APBB2: variants seen among roughly 807,000 people sequenced by gnomAD.
APBB2 encodes amyloid beta precursor protein binding family B member 2.
APBB2 carries 38 observed loss-of-function variants against 82.5 expected under a neutral mutation model. That is an observed-to-expected ratio of 0.46 (90% confidence interval 0.36 to 0.60). The LOEUF is 0.60. Among genes scored for constraint, APBB2 ranks in the 20% least tolerant of loss-of-function variants. The pLI is 0.00. For missense variants in APBB2, 772 were observed against 972.3 expected (o/e 0.79, Z 2.74); for synonymous variants, 341 against 368.2 (o/e 0.93, Z 0.85).
chr4:40,956,356 G>C (rs967679626), intron 6 of APBB2, among the ~76,000 whole-genome samples: 1 of 152,158 alleles, frequency 6.6e-6, no homozygotes, highest in Non-Finnish European at 1.5e-5. Context: ...TCAACCAAAG[G>C]AATCGGCAGA....
intron 2 of APBB2, among the ~76,000 whole-genome samples, chr4:41,111,360 A>G (rs1205269843): frequency 1.3e-5 from 2 of 152,262 alleles, no homozygotes. Context: ...AAAAATTATG[A>G]TTCAGTATGT....
intron 6 of APBB2, among the ~76,000 whole-genome samples, chr4:41,009,040 T>G (rs1377168529): frequency 6.6e-6 from 1 of 152,190 alleles, no homozygotes; most frequent in Non-Finnish European, 1.5e-5. Flanking sequence ...AACATAAAAT[T>G]ACATGTGGGT....
chr4:41,166,023 G>A (rs530358030), intron 1 of APBB2, among the ~76,000 whole-genome samples: 78 of 151,836 alleles, frequency 5.1e-4, no homozygotes, highest in African/African-American at 1.3e-3. Flanking sequence ...ACAGGCGCCC[G>A]CCACCACGCC....
intron 12 of APBB2, among the ~76,000 whole-genome samples, chr4:40,838,329 A>ATTTTTTTTTTTTTTTTTTTTTT (rs780767835): frequency 1.4e-5 from 1 of 72,274 alleles, no homozygotes; most frequent in African/African-American, 5.9e-5. Context: ...CACATGGCTA[A>ATTTTTTTTTTTTTTTTTTTTTT]TTTTTTTTTT....
chr4:41,197,533 C>T, intron 1 of APBB2, among the ~76,000 whole-genome samples: 6 of 152,170 alleles, frequency 3.9e-5, no homozygotes, highest in African/African-American at 1.4e-4. Context: ...GACTCAAGGT[C>T]ATACAACAGT....
chr4:41,017,697 C>T (rs935041060), intron 5 of APBB2, among the ~76,000 whole-genome samples: 4 of 152,080 alleles, frequency 2.6e-5, no homozygotes, highest in South Asian at 2.1e-4. Flanking sequence ...TAATATAGCG[C>T]GGGGCTGCCT....
chr4:41,065,762 C>A (rs1731556552), intron 3 of APBB2, 89 bp from the exon 4 acceptor site: 1 of 143,344 alleles, frequency 7.0e-6, no homozygotes. Context: ...CATTAAAATG[C>A]TAATGATGAC....
At chr4:41,036,902 T>C (rs1719413086) in intron 4 of APBB2, among the ~76,000 whole-genome samples, 1 of 152,156 alleles carries the variant, frequency 6.6e-6, no homozygotes, top group African/African-American at 2.4e-5. Flanking sequence ...TAATTCTACA[T>C]AAACAATAAC....
chr4:40,990,284 C>G (rs1439151698), intron 6 of APBB2: 1 of 126,590 alleles, frequency 7.9e-6, no homozygotes, highest in Non-Finnish European at 1.8e-5. Flanking sequence ...TTCTCTCTTT[C>G]TTCTCTCTCC....
intron 5 of APBB2, among the ~76,000 whole-genome samples, chr4:41,022,644 G>A (rs1258967964): frequency 1.3e-5 from 2 of 152,120 alleles, no homozygotes; most frequent in African/African-American, 4.8e-5. Context: ...CTATTAACCT[G>A]TTTGAGTTTC....
In APBB2 at chr4:40,832,011, T is replaced by TACACACACACACACACACACAC. The variant is rs1386389411; in HGVS notation, c.1530-1435_1530-1434insGTGTGTGTGTGTGTGTGTGTGT. Among the ~76,000 whole-genome samples the TACACACACACACACACACACAC allele has an allele frequency of 3.5e-3, 172 of 49,508 alleles. 1 individual carries two copies. Among genetic ancestry groups the TACACACACACACACACACACAC allele is most frequent in the African/African-American group, 9.0e-3 (171 of 19,084 alleles). 32.5% of individuals were successfully genotyped at this position (49,508 alleles called of 152,430 possible). On this transcript the variant is annotated intron_variant, in intron 12 of 17. Coordinates refer to ENST00000508593, the MANE Select transcript of APBB2 (RefSeq NM_004307.2). The surrounding 1 kb of genome is among the most constrained non-coding windows in gnomAD (Gnocchi z 4.8). Reference sequence around the variant, plus strand: ...ACACACATATTTATATATTTATTTATATACACACACACACACACACACACA... The same window carrying TACACACACACACACACACACAC: ...ACACACATATTTATATATTTATTTATACACACACACACACACACACACATACACACACACACACACACACACA...
chr4:40,905,005 A>C (rs989277297), intron 10 of APBB2, among the ~76,000 whole-genome samples: 4 of 152,106 alleles, frequency 2.6e-5, no homozygotes, highest in Non-Finnish European at 5.9e-5. Flanking sequence ...CACTACTGCC[A>C]TTAACTTAAC....
chr4:40,841,121 T>A (rs761586792), intron 12 of APBB2, among the ~76,000 whole-genome samples: 6 of 152,186 alleles, frequency 3.9e-5, no homozygotes, highest in Admixed American at 1.3e-4. Context: ...TCTCTCCCTC[T>A]TAACCACTGG....
intron 10 of APBB2, among the ~76,000 whole-genome samples, chr4:40,897,109 A>C (rs1773884139): frequency 6.6e-6 from 1 of 152,242 alleles, no homozygotes; most frequent in Non-Finnish European, 1.5e-5. Context: ...TTGGAATCCA[A>C]GATGACAAAT....
intron 6 of APBB2, among the ~76,000 whole-genome samples, chr4:41,000,069 ATGTGTG>A (rs779111046): frequency 0.12 from 16,063 of 130,576 alleles, 1,041 homozygotes; most frequent in Admixed American, 0.17. Context: ...ATATGTGTGT[ATGTGTG>A]TGTGTGTGTG....
chr4:40,932,098 C>A (rs73809203), intron 10 of APBB2, among the ~76,000 whole-genome samples: 2,333 of 152,256 alleles, frequency 0.015, 67 homozygotes, highest in African/African-American at 0.053. Flanking sequence ...GGAACCAGTC[C>A]TCCTATTCCT....
At chr4:41,150,346 AT>A (rs1761935536) in intron 1 of APBB2, among the ~76,000 whole-genome samples, 1 of 152,160 alleles carries the variant, frequency 6.6e-6, no homozygotes, top group South Asian at 2.1e-4. Flanking sequence ...CCAACTTAAG[AT>A]TAGTAAAAGG....
chr4:41,011,752 G>C (rs528248305), intron 6 of APBB2, among the ~76,000 whole-genome samples: 1 of 151,542 alleles, frequency 6.6e-6, no homozygotes, highest in African/African-American at 2.4e-5. Context: ...ATTAATATGC[G>C]GATCTATGAC....
chr4:40,951,255 A>AT (rs11454585), intron 6 of APBB2, among the ~76,000 whole-genome samples: 145,661 of 152,236 alleles, frequency 0.96, 69,923 homozygotes, highest in South Asian at 1. Flanking sequence ...GTATGTTTAC[A>AT]GTATGGGTGT....
Sources: gnomAD v4.1 joint callset for allele counts (sites outside exome capture counted in the v4.1 genomes callset) on GRCh38, gnomAD v4.1.1 for gene constraint, Gnocchi (gnomAD v3.1) non-coding constraint, MANE v1.5 for transcripts, NCBI Gene and HGNC (gene_info 2026-07-23, HGNC 2026-07-21) for gene names.